Variants in GIPC1 observed in about 807,000 individuals in gnomAD.
GIPC1 encodes the protein PDZ domain-containing protein GIPC1.
In GIPC1, 15 loss-of-function variants were observed where a neutral mutation model predicts 28.5. The ratio of observed to expected loss-of-function variants is 0.53; its 90% CI spans 0.35 to 0.81. The LOEUF (loss-of-function observed/expected upper bound fraction) is 0.81. GIPC1 is among the 30% of genes least tolerant of loss of function. The probability of loss-of-function intolerance (pLI) is 0.01; values close to 1 mark genes in which losing one functional copy is unlikely to be tolerated. For missense variants in GIPC1, 439 were observed against 481.9 expected (o/e 0.91, Z 0.83); for synonymous variants, 224 against 206.1 (o/e 1.09, Z -0.74).
rs2071653571 is a variant in GIPC1, at chr19:14,478,559, T to C, written c.859A>G (p.Met287Val). ...GIRDTELAATMVELGKDKRNP... is the reference protein window; with the variant it reads ...GIRDTELAATVVELGKDKRNP... Reference sequence around the variant, plus strand: ...CTTTTGTCCTTTCCCAGCTCCACCATGGTGGCCGCTATTGGGGGAGGGGTC... The same window carrying C: ...CTTTTGTCCTTTCCCAGCTCCACCACGGTGGCCGCTATTGGGGGAGGGGTC... Residue 287 changes from methionine (M) to valine (V), a missense_variant, in exon 9 of 9, where the codon ATG becomes GTG. Transcript: ENST00000393033. The surrounding 1 kb of genome is among the most constrained non-coding windows in gnomAD (Gnocchi z 5.2). 4.3e-6 allele frequency: 7 copies of C among 1,613,940 alleles called. No individual in the cohort carries two copies. The highest frequency in any genetic ancestry group is 5.9e-6 in the Non-Finnish European group (7 of 1,179,944).
intron 3 of GIPC1, among the ~76,000 whole-genome samples, chr19:14,488,768 G>A (rs1270998444): frequency 2.1e-4 from 31 of 148,062 alleles, no homozygotes; most frequent in African/African-American, 6.0e-4. Flanking sequence ...GCGAGACTCG[G>A]TCTAAACAAA....
intron 4 of GIPC1, chr19:14,482,429 G>T: frequency 1.7e-6 from 1 of 573,868 alleles, no homozygotes; most frequent in Non-Finnish European, 3.1e-6. Flanking sequence ...CAATCCACTG[G>T]GGCACAGGTC....
In GIPC1 at chr19:14,483,799, T is replaced by C. The variant is rs114693896; in HGVS notation, c.-30-793A>G. Among the ~76,000 whole-genome samples, 283 of 139,886 alleles carry C rather than the reference T, an allele frequency of 2.0e-3. 2 individuals carry two copies. Among genetic ancestry groups the C allele is most frequent in the African/African-American group, 7.1e-3 (270 of 37,990 alleles). 91.8% of individuals were successfully genotyped at this position (139,886 alleles called of 152,430 possible). ...ATAATAATAATAATAATAATAATAATACCAGCTAGGATTATTGCTTTGTGA... is the reference window on the plus strand; with the variant it reads ...ATAATAATAATAATAATAATAATAACACCAGCTAGGATTATTGCTTTGTGA... On this transcript the variant is annotated intron_variant, in intron 3 of 8. Transcript: ENST00000393033.
intron 3 of GIPC1, among the ~76,000 whole-genome samples, chr19:14,490,136 C>A (rs183059044): frequency 6.6e-6 from 1 of 152,024 alleles, no homozygotes; most frequent in East Asian, 1.9e-4. Flanking sequence ...GAGGCCGAGG[C>A]GGGCGGATCA....
intron 3 of GIPC1, among the ~76,000 whole-genome samples, chr19:14,485,344 G>A (rs1020220122): frequency 5.3e-5 from 7 of 132,636 alleles, no homozygotes; most frequent in Non-Finnish European, 8.1e-5. Flanking sequence ...CATCACACCC[G>A]ACTATTTTTT....
chr19:14,489,389 T>C (rs1166060409), intron 3 of GIPC1: 1 of 788,722 alleles, frequency 1.3e-6, no homozygotes, highest in Admixed American at 1.7e-5. Flanking sequence ...GTATACACCA[T>C]GAGCAAAGCT....
At chr19:14,488,443 T>A (rs1216585964) in intron 3 of GIPC1, among the ~76,000 whole-genome samples, 1 of 148,434 alleles carries the variant, frequency 6.7e-6, no homozygotes, top group Admixed American at 6.8e-5. Flanking sequence ...AAACCGAGAC[T>A]CCATCTCAAA....
chr19:14,495,204 G>C (rs1386722935), intron 1 of GIPC1, among the ~76,000 whole-genome samples: 1 of 152,036 alleles, frequency 6.6e-6, no homozygotes, highest in Non-Finnish European at 1.5e-5. Context: ...GACCCAGGTA[G>C]TTAGACCTGC....
In GIPC1 at chr19:14,478,255, A is replaced by T; in HGVS notation, c.*161T>A. 1.4e-6 allele frequency: 1 copy of T among 692,336 alleles called. No homozygotes were observed. 42.9% of individuals were successfully genotyped at this position (692,336 alleles called of 1,614,324 possible). ...GGGAACCAGGGAGGGGATGGTACCGATTGGAGCGGGGCAGGGGGCCTGGCC... is the reference window on the plus strand; with the variant it reads ...GGGAACCAGGGAGGGGATGGTACCGTTTGGAGCGGGGCAGGGGGCCTGGCC... On this transcript the variant is annotated 3_prime_UTR_variant, in exon 9 of 9. Transcript: ENST00000393033. The surrounding 1 kb of genome is among the most constrained non-coding windows in gnomAD (Gnocchi z 5.2).
chr19:14,482,923 C>T lies in GIPC1; in HGVS notation c.54G>A (p.Glu18=). ...GCCCTCCACGGCCTGGCTCAGCCTC[C>T]TCATTTTCCACTAGAGGGGGCGCCT... ...RKKAPPLVEN[E]EAEPGRGGLG... Residue 18 remains glutamate (E), a synonymous_variant, in exon 4 of 9, where the codon GAG becomes GAA. Transcript: ENST00000393033. 6.2e-7 allele frequency: 1 copy of T among 1,610,308 alleles called. No homozygotes were observed. The highest frequency in any genetic ancestry group is 1.1e-5 in the South Asian group (1 of 90,684).
chr19:14,482,824 G>C lies in GIPC1; in HGVS notation c.153C>G (p.Pro51=), dbSNP rs541900200. 6.3e-7 allele frequency: 1 copy of C among 1,582,432 alleles called. No homozygotes were observed. The highest frequency in any genetic ancestry group is 8.6e-7 in the Non-Finnish European group (1 of 1,165,186). Residue 51 remains proline, a synonymous_variant, in exon 4 of 9, where the codon CCC becomes CCG. Coordinates refer to ENST00000393033, the MANE Select transcript of GIPC1 (RefSeq NM_005716.4). The part of the protein sequence containing the change: ...GGPQMGLPPP[P]PALRPRLVFH... ...ACACGAGGCGGGGCCGCAGGGCTGGGGGAGGGGGGGGCAAGCCCATTTGGG... is the reference window on the plus strand; with the variant it reads ...ACACGAGGCGGGGCCGCAGGGCTGGCGGAGGGGGGGGCAAGCCCATTTGGG...
chr19:14,478,723 G>C lies in GIPC1; in HGVS notation c.811C>G (p.Leu271Val). 1 of 1,613,834 alleles carries C rather than the reference G, an allele frequency of 6.2e-7. No homozygotes were observed. The highest frequency in any genetic ancestry group is 1.7e-5 in the Admixed American group (1 of 59,996). Reference protein sequence around the residue: ...EEKAIEKVDDLLESYMGIRDT... With the variant: ...EEKAIEKVDDVLESYMGIRDT... ...CTGATACCCATGTAACTCTCCAGCA[G>C]GTCATCCACCTTCTCAATGGCCTTC... is the stretch of plus-strand genomic sequence containing the variant. The change falls in exon 8 of 9, where the codon CTG becomes GTG. Residue 271 changes from leucine to valine, a missense_variant. Transcript: ENST00000393033. This position sits in a 1 kb window ranked among gnomAD's most constrained non-coding sequence, Gnocchi z 5.2.
intron 5 of GIPC1, 35 bp from the exon 6 acceptor site, chr19:14,480,520 C>A: frequency 6.2e-7 from 1 of 1,605,280 alleles, no homozygotes; most frequent in Non-Finnish European, 8.5e-7. Context: ...CCTTGGGGCT[C>A]TGCCCTGGTT....
intron 3 of GIPC1, among the ~76,000 whole-genome samples, chr19:14,490,268 A>C (rs141864554): frequency 3.0e-4 from 45 of 152,240 alleles, no homozygotes; most frequent in African/African-American, 9.6e-4. Context: ...GGGGAGGCTG[A>C]GGCAGGAGAA....
intron 7 of GIPC1, among the ~76,000 whole-genome samples, chr19:14,479,204 C>T (rs2071668153): frequency 6.6e-6 from 1 of 152,034 alleles, no homozygotes; most frequent in South Asian, 2.1e-4. Flanking sequence ...ATACAAAAAT[C>T]AGCTGGGCAT....
chr19:14,490,253 C>G (rs760003072), intron 3 of GIPC1, among the ~76,000 whole-genome samples: 2 of 152,034 alleles, frequency 1.3e-5, no homozygotes, highest in Non-Finnish European at 2.9e-5. Flanking sequence ...GTAATCCCAG[C>G]TACTGGGGAG....
chr19:14,485,689 A>ATATC (rs2071819405), intron 3 of GIPC1, among the ~76,000 whole-genome samples: 1 of 58,820 alleles, frequency 1.7e-5, no homozygotes, highest in African/African-American at 6.6e-5. Flanking sequence ...AAACAAATAT[A>ATATC]TATATATATA....
intron 3 of GIPC1, among the ~76,000 whole-genome samples, chr19:14,488,635 T>C (rs979277590): frequency 1.3e-4 from 19 of 151,512 alleles, no homozygotes; most frequent in Non-Finnish European, 2.5e-4. Context: ...GCAAACCTCA[T>C]CTCTACTAAA....
At chr19:14,495,810 C>T (rs1352770514) in intron 1 of GIPC1, among the ~76,000 whole-genome samples, 1 of 152,014 alleles carries the variant, frequency 6.6e-6, no homozygotes. Context: ...CCCAGCCCAG[C>T]GTTGGGAGGC....
Sources: gnomAD v4.1 joint callset for allele counts (sites outside exome capture counted in the v4.1 genomes callset) on GRCh38, gnomAD v4.1.1 for gene constraint, Gnocchi (gnomAD v3.1) non-coding constraint, MANE v1.5 for transcripts, NCBI Gene and HGNC (gene_info 2026-07-23, HGNC 2026-07-21) for gene names.